Variants in DROSHA observed in about 807,000 individuals in gnomAD.
DROSHA encodes the protein drosha ribonuclease III.
In DROSHA, 56 loss-of-function variants were observed where a neutral mutation model predicts 181.9. The observed-to-expected ratio is 0.31, with a 90% CI of 0.25 to 0.38. DROSHA has a LOEUF of 0.38. Ranked by LOEUF, DROSHA falls within the 10% of genes least tolerant of loss-of-function variation. DROSHA has a pLI of 1.00. For missense variants in DROSHA, 1,218 were observed against 1,743.5 expected (o/e 0.70, Z 5.37); for synonymous variants, 524 against 591.2 (o/e 0.89, Z 1.65).
intron 9 of DROSHA, among the ~76,000 whole-genome samples, chr5:31,510,711 C>T (rs2150054085): frequency 6.6e-6 from 1 of 152,314 alleles, no homozygotes; most frequent in South Asian, 2.1e-4. Context: ...CAAGGAAGGA[C>T]ACCTGTCCTC....
At chr5:31,403,317 CTA>C (rs1340604536) in intron 35 of DROSHA, among the ~76,000 whole-genome samples, 1 of 152,144 alleles carries the variant, frequency 6.6e-6, no homozygotes, top group Non-Finnish European at 1.5e-5. Context: ...TCACATTTAA[CTA>C]TTGATAAAAC....
At position 31,401,172 on chromosome 5, in the gene DROSHA, A is replaced by G. The variant is rs1007629334; in HGVS notation, c.*260T>C. 3 of 403,584 alleles carry G rather than the reference A, an allele frequency of 7.4e-6. No homozygotes were observed. The highest frequency in any genetic ancestry group is 1.4e-5 in the Non-Finnish European group (3 of 215,384). The allele number at this position is 403,584 out of a possible 1,614,324, so 25.0% of individuals were successfully genotyped here. ...TAGAATATGCTTCTTGAATTTTATT[A>G]TTTAAAGAGCAAAATAAAAGGAAGT... On this transcript the variant is annotated 3_prime_UTR_variant, in exon 36 of 36. Transcript: ENST00000344624.
chr5:31,401,270 C>A lies in DROSHA; in HGVS notation c.*162G>T. 1 of 977,032 alleles carries A rather than the reference C, an allele frequency of 1.0e-6. No individual in the cohort carries two copies. Among genetic ancestry groups the A allele is most frequent in the East Asian group, 2.8e-5 (1 of 35,988 alleles). The allele number at this position is 977,032 out of a possible 1,614,324, so 60.5% of individuals were successfully genotyped here. A position where few individuals can be genotyped will look rare whatever the true frequency, so the allele number is the denominator to read the frequency against. ...CTAATACTTTGTAATAAAGACCATC[C>A]AGCTAAAAACAGATCATTAAAACAA... On this transcript the variant is annotated 3_prime_UTR_variant, in exon 36 of 36. Coordinates refer to ENST00000344624, the MANE Select transcript of DROSHA (RefSeq NM_001382508.1).
At chr5:31,511,607 C>T (rs1000798323) in intron 8 of DROSHA, among the ~76,000 whole-genome samples, 2 of 151,686 alleles carry the variant, frequency 1.3e-5, no homozygotes, top group Non-Finnish European at 2.9e-5. Context: ...GGCAGGAGAA[C>T]TGTTTGAGCC....
rs770406706 is a variant in DROSHA at position 31,409,129 on chromosome 5, G to A, written c.3781C>T (p.Pro1261Ser). ...EFILNQDWND[P>S]KSQLQQCCLT... ...CAACACTGCTGAAGCTGGGATTTGG[G>A]GTCATTCCAATCCTGATTCAAAATG... Residue 1261 changes from proline to serine, a missense_variant, in exon 33 of 36, where the codon CCC (proline) becomes TCC (serine). Coordinates refer to ENST00000344624, the MANE Select transcript of DROSHA (RefSeq NM_001382508.1). The surrounding 1 kb of genome is among the most constrained non-coding windows in gnomAD (Gnocchi z 4.0). The A allele has an allele frequency of 3.1e-6, 5 of 1,613,702 alleles. No homozygotes were observed. Among genetic ancestry groups the A allele is most frequent in the South Asian group, 1.1e-5 (1 of 91,068 alleles).
chr5:31,415,379 A>G (rs1249916553), intron 30 of DROSHA, among the ~76,000 whole-genome samples: 1 of 152,250 alleles, frequency 6.6e-6, no homozygotes, highest in Non-Finnish European at 1.5e-5. Flanking sequence ...TGTGATAACT[A>G]AAGAAAAGGT....
chr5:31,410,718 G>A (rs778474868), intron 31 of DROSHA, 28 bp downstream of exon 31: 5 of 1,605,440 alleles, frequency 3.1e-6, no homozygotes, highest in African/African-American at 1.3e-5. Context: ...TGAACCTGGA[G>A]GTTGAGAGAA....
chr5:31,422,828 C>T lies in DROSHA; in HGVS notation c.3378G>A (p.Arg1126=). 6.2e-7 allele frequency: 1 copy of T among 1,613,736 alleles called. No homozygotes were observed. Among genetic ancestry groups the T allele is most frequent in the Non-Finnish European group, 8.5e-7 (1 of 1,179,774 alleles). Residue 1126 remains arginine, a synonymous_variant, in exon 29 of 36, where the codon AGG becomes AGA. Transcript: ENST00000344624. Reference sequence around the variant, plus strand: ...ATCCCACAGTTCTCAATGTGAATGCCCTTGCCAGAAGTCGAACATGAGTAA... The same window carrying T: ...ATCCCACAGTTCTCAATGTGAATGCTCTTGCCAGAAGTCGAACATGAGTAA... ...VIFTHVRLLA[R]AFTLRTVGFN... is the part of the protein sequence containing the mutation.
chr5:31,511,681 C>A (rs1738692846), intron 8 of DROSHA, among the ~76,000 whole-genome samples: 2 of 147,016 alleles, frequency 1.4e-5, no homozygotes, highest in Non-Finnish European at 3.0e-5. Context: ...GCCTGGGTGA[C>A]ATAGAGAGAC....
Position 31,419,290 on chromosome 5 carries a change from T to G in DROSHA, c.3525+1982A>C, listed in dbSNP as rs10520980. On this transcript the variant is annotated intron_variant, in intron 30 of 35. Transcript: ENST00000344624. The stretch of plus-strand genomic sequence containing the variant: ...CGCAGATCTGCTGGTCCTGCTAATT[T>G]CTACCAAAGCGTTCTGTGAATATAA... Among the ~76,000 whole-genome samples, 2,263 of 152,336 alleles carry G rather than the reference T, an allele frequency of 0.015. 131 individuals carry two copies. In the East Asian group the frequency reaches 0.21, roughly 14 times the overall value.
At chr5:31,467,849 A>G in intron 18 of DROSHA, 90 bp downstream of exon 18, 1 of 1,472,870 alleles carries the variant, frequency 6.8e-7, no homozygotes, top group Non-Finnish European at 9.1e-7. Context: ...ATTTTTAAAA[A>G]GGAAACATCC....
rs777282094 is a variant in DROSHA at position 31,526,746 on chromosome 5, A to G, written c.187T>C (p.Phe63Leu). 1.4e-5 allele frequency: 22 copies of G among 1,585,038 alleles called. No individual in the cohort carries two copies. In the Admixed American group the frequency reaches 1.7e-4, roughly 12 times the overall value. ...AAATTGGGGGCTGGAGAGTTTGAGA[A>G]AGTGGTGGAAGGGGCACTTGGAGGT... The part of the protein sequence containing the change: ...YEPPSAPSTT[F>L]SNSPAPNFLP... Residue 63 changes from phenylalanine (F) to leucine (L), a missense_variant, in exon 5 of 36, where the codon TTC becomes CTC. By Grantham distance (22) the Phe-to-Leu change is conservative. This residue lies in a region of DROSHA where 536 missense variants were observed against 535.4 expected (regional missense o/e 1.00). Coordinates refer to ENST00000344624, the MANE Select transcript of DROSHA (RefSeq NM_001382508.1).
intron 11 of DROSHA, 128 bp downstream of exon 11, chr5:31,504,427 A>C: frequency 1.9e-6 from 2 of 1,032,210 alleles, no homozygotes; most frequent in Non-Finnish European, 2.8e-6. Context: ...ATTATCAGTA[A>C]GAGACTATTA....
chr5:31,405,346 G>C (rs944171449), intron 35 of DROSHA, among the ~76,000 whole-genome samples: 1 of 150,272 alleles, frequency 6.7e-6, no homozygotes, highest in African/African-American at 2.5e-5. Flanking sequence ...CTGCACTCCA[G>C]CCTGGGCAAC....
At position 31,521,221 on chromosome 5, in the gene DROSHA, A is replaced by C; in HGVS notation, c.855-6T>G. On this transcript the variant is annotated splice_polypyrimidine_tract_variant and splice_region_variant and intron_variant, in intron 5 of 35. Transcript: ENST00000344624. ...GTCTCTCCCGTTCTCGCTCTCTTAA[A>C]GGAATTAATACACAGAGCTGTTTTC... 6.2e-7 allele frequency: 1 copy of C among 1,613,444 alleles called. No homozygotes were observed. The highest frequency in any genetic ancestry group is 8.5e-7 in the Non-Finnish European group (1 of 1,179,488).
Position 31,436,792 on chromosome 5 carries a change from ACACACT to A in DROSHA, c.2942+441_2942+446del, listed in dbSNP as rs1415908328. ...CACACACACACACACACACACACAC[ACACACT>A]AGAAAATCTGGTCATTAAAATTACT... On this transcript the variant is annotated intron_variant, in intron 24 of 35. Coordinates refer to ENST00000344624, the MANE Select transcript of DROSHA (RefSeq NM_001382508.1). Among the ~76,000 whole-genome samples, 48 of 135,002 alleles carry A rather than the reference ACACACT, an allele frequency of 3.6e-4. 1 individual carries two copies. The South Asian group carries it at 4.0e-3, about 11-fold the overall frequency. The allele number at this position is 135,002 out of a possible 152,430, so 88.6% of individuals were successfully genotyped here. A position where few individuals can be genotyped will look rare whatever the true frequency, so the allele number is the denominator to read the frequency against.
At chr5:31,480,206 TGAAA>T (rs1554037588) in intron 16 of DROSHA, among the ~76,000 whole-genome samples, 6 of 48,946 alleles carry the variant, frequency 1.2e-4, no homozygotes, top group Non-Finnish European at 1.9e-4. Flanking sequence ...ATATATATAC[TGAAA>T]ATACTCAAAT....
rs1241054714 is a variant in DROSHA at position 31,502,831 on chromosome 5, G to C, written c.1668+1724C>G. Among the ~76,000 whole-genome samples, 5 of 152,230 alleles carry C rather than the reference G, an allele frequency of 3.3e-5. No homozygotes were observed. In the East Asian group the frequency reaches 9.6e-4, roughly 29 times the overall value. ...ATGGCTCTGAGAGATAGCGCTGTGGGGAAATCTCTCCCAGCGGGTGGAGTT... is the reference window on the plus strand; with the variant it reads ...ATGGCTCTGAGAGATAGCGCTGTGGCGAAATCTCTCCCAGCGGGTGGAGTT... On this transcript the variant is annotated intron_variant, in intron 11 of 35. Transcript: ENST00000344624.
rs967205920 is a variant in DROSHA, at chr5:31,493,320, C to T, written c.1756-27G>A. The stretch of plus-strand genomic sequence containing the variant: ...TAAAAGCAAACAGAAACACGAACCC[C>T]AAATTAAATAAATGACATGAGTTGC... On this transcript the variant is annotated intron_variant, in intron 12 of 35. Transcript: ENST00000344624. The T allele has an allele frequency of 5.1e-6, 8 of 1,562,402 alleles. No homozygotes were observed. In the African/African-American group the frequency reaches 1.1e-4, roughly 21 times the overall value.
Sources: allele counts gnomAD v4.1 joint callset (sites outside exome capture counted in the v4.1 genomes callset), GRCh38; gene constraint gnomAD v4.1.1; regional missense constraint gnomAD v4.1.1; non-coding constraint Gnocchi (gnomAD v3.1); transcripts MANE v1.5; gene names NCBI Gene and HGNC (gene_info 2026-07-23, HGNC 2026-07-21).